Variants in NEK8 observed in about 807,000 individuals in gnomAD.
NEK8 encodes NIMA related kinase 8, also known as serine/threonine-protein kinase Nek8.
In NEK8, 51 loss-of-function variants were observed where a neutral mutation model predicts 77.2. The ratio of observed to expected loss-of-function variants is 0.66; its 90% CI spans 0.53 to 0.83. NEK8 has a LOEUF of 0.83. NEK8 is among the 40% of genes least tolerant of loss of function. NEK8 has a pLI of 0.00. For synonymous variants in NEK8, 365 were observed against 363.2 expected, an observed-to-expected ratio of 1.00 and a Z score of -0.06; for missense variants, 787 against 909.2, an observed-to-expected ratio of 0.87 and a Z score of 1.73.
rs1332249764 is a variant in NEK8 at position 28,740,314 on chromosome 17, G to A, written c.1418-149G>A. 4.4e-6 allele frequency: 3 copies of A among 682,700 alleles called. No individual in the cohort carries two copies. The highest frequency in any genetic ancestry group is 7.9e-6 in the Non-Finnish European group (3 of 382,152). 42.3% of individuals were successfully genotyped at this position (682,700 alleles called of 1,614,324 possible). On this transcript the variant is annotated intron_variant, in intron 10 of 14. Coordinates refer to ENST00000268766, the MANE Select transcript of NEK8 (RefSeq NM_178170.3). The surrounding 1 kb of genome is among the most constrained non-coding windows in gnomAD (Gnocchi z 4.7). ...ATAAAAATAAAAAATAAAGAAGGAGGATTTTAACCAGCAGAGGGGCCTAGG... is the reference window on the plus strand; with the variant it reads ...ATAAAAATAAAAAATAAAGAAGGAGAATTTTAACCAGCAGAGGGGCCTAGG...
chr17:28,741,893 G>A lies in NEK8; in HGVS notation c.2051-66G>A. On this transcript the variant is annotated intron_variant, in intron 14 of 14. Coordinates refer to ENST00000268766, the MANE Select transcript of NEK8 (RefSeq NM_178170.3). This position sits in a 1 kb window ranked among gnomAD's most constrained non-coding sequence, Gnocchi z 4.5. ...ATCCAGGGCCCAGTGGGAGTGGGAGGTGGGTGATGATTTCTGGAGGCACTG... is the reference window on the plus strand; with the variant it reads ...ATCCAGGGCCCAGTGGGAGTGGGAGATGGGTGATGATTTCTGGAGGCACTG... 2 of 1,539,908 alleles carry A rather than the reference G, an allele frequency of 1.3e-6. No individual in the cohort carries two copies. Among genetic ancestry groups the A allele is most frequent in the African/African-American group, 1.4e-5 (1 of 73,498 alleles).
rs1171524813 is a variant in NEK8 at position 28,738,016 on chromosome 17, G to T, written c.1071+16G>T. 6.2e-7 allele frequency: 1 copy of T among 1,612,692 alleles called. No homozygotes were observed. The highest frequency in any genetic ancestry group is 1.1e-5 in the South Asian group (1 of 91,050). On this transcript the variant is annotated intron_variant, in intron 7 of 14. Coordinates refer to ENST00000268766, the MANE Select transcript of NEK8 (RefSeq NM_178170.3). ...CCTGTGGGAGGTGAGCAGGCCAGGG[G>T]GTGGCCTGGATGGGTGGAGGTGGAG...
Position 28,740,571 on chromosome 17 carries a change from T to G in NEK8, c.1526T>G (p.Ile509Ser). The G allele has an allele frequency of 1.2e-6, 2 of 1,614,150 alleles. No individual in the cohort carries two copies. The highest frequency in any genetic ancestry group is 1.7e-6 in the Non-Finnish European group (2 of 1,180,008). Residue 509 changes from isoleucine to serine, a missense_variant, in exon 11 of 15, where the codon ATC becomes AGC. Physicochemically the swap from Ile to Ser is moderately radical, Grantham distance 142 (BLOSUM62 -2). Transcript: ENST00000268766. This position sits in a 1 kb window ranked among gnomAD's most constrained non-coding sequence, Gnocchi z 4.7. Reference sequence around the variant, plus strand: ...GTATGTGGTATCGATTCCTCCATGATCCTCACTGTGCCTGGCCAAGCCCTA... The same window carrying G: ...GTATGTGGTATCGATTCCTCCATGAGCCTCACTGTGCCTGGCCAAGCCCTA... ...RVVCGIDSSMILTVPGQALAC... is the reference protein window; with the variant it reads ...RVVCGIDSSMSLTVPGQALAC...
chr17:28,740,906 A>C lies in NEK8; in HGVS notation c.1653A>C (p.Thr551=), dbSNP rs758294520. The change falls in exon 12 of 15, where the codon ACA becomes ACC. Residue 551 remains threonine (T), a synonymous_variant. Transcript: ENST00000268766. The surrounding 1 kb of genome is among the most constrained non-coding windows in gnomAD (Gnocchi z 4.7). Reference sequence around the variant, plus strand: ...AAGTGGAGGAGGCCCTGAGCTTCACACTACTAGGCTCTGCACCCCTGGACC... The same window carrying C: ...AAGTGGAGGAGGCCCTGAGCTTCACCCTACTAGGCTCTGCACCCCTGGACC... ...HQQVEEALSF[T]LLGSAPLDQE... 2 of 1,613,940 alleles carry C rather than the reference A, an allele frequency of 1.2e-6. No individual in the cohort carries two copies. Among genetic ancestry groups the C allele is most frequent in the Admixed American group, 3.3e-5 (2 of 60,000 alleles).
chr17:28,730,077 G>A (rs2034291902), intron 1 of NEK8, among the ~76,000 whole-genome samples: 1 of 152,122 alleles, frequency 6.6e-6, no homozygotes, highest in Non-Finnish European at 1.5e-5. Flanking sequence ...GATAACCTGA[G>A]ATAAAAGGTT....
In NEK8 at chr17:28,737,662, AT is replaced by A. The variant is rs1197194197; in HGVS notation, c.828-12del. ...GGAGGGTCTTTGTCCTTAGGCCCCC[AT>A]CTGTCCTGCAGGGCAGAGAAGTCCG... On this transcript the variant is annotated splice_polypyrimidine_tract_variant and intron_variant, in intron 5 of 14. Transcript: ENST00000268766. The surrounding 1 kb of genome is among the most constrained non-coding windows in gnomAD (Gnocchi z 4.8). 1 of 1,614,138 alleles carries A rather than the reference AT, an allele frequency of 6.2e-7. No individual in the cohort carries two copies. The highest frequency in any genetic ancestry group is 1.7e-5 in the Admixed American group (1 of 60,020).
At chr17:28,734,288 C>T in intron 2 of NEK8, 100 bp downstream of exon 2, 1 of 1,082,326 alleles carries the variant, frequency 9.2e-7, no homozygotes. Flanking sequence ...TGGGCATGGC[C>T]AAGGGTTAGA....
intron 1 of NEK8, among the ~76,000 whole-genome samples, chr17:28,732,545 C>CTTTTTTTTTTTTTTTTTTT (rs1054257308): frequency 1.9e-4 from 15 of 77,912 alleles, no homozygotes; most frequent in South Asian, 4.9e-4. Flanking sequence ...TTTTTCTTTT[C>CTTTTTTTTTTTTTTTTTTT]TTTTTTTTTT....
Position 28,738,568 on chromosome 17 carries a change from T to A in NEK8, c.1223-103T>A, listed in dbSNP as rs2034390116. On this transcript the variant is annotated intron_variant, in intron 8 of 14. Coordinates refer to ENST00000268766, the MANE Select transcript of NEK8 (RefSeq NM_178170.3). ...TCCTATCCCATCCTTCCAGCCCTGG[T>A]CCCCAACTTTATTTTGCTGCTGCAA... 8 of 1,000,662 alleles carry A rather than the reference T, an allele frequency of 8.0e-6. No individual in the cohort carries two copies. The South Asian group carries it at 1.1e-4, about 13-fold the overall frequency. 62.0% of individuals were successfully genotyped at this position (1,000,662 alleles called of 1,614,324 possible). A position where few individuals can be genotyped will look rare whatever the true frequency, so the allele number is the denominator to read the frequency against.
Position 28,741,456 on chromosome 17 carries a change from G to T in NEK8, c.1935G>T (p.Leu645Phe), listed in dbSNP as rs767048910. Residue 645 changes from leucine (L) to phenylalanine (F), a missense_variant, in exon 14 of 15, where the codon TTG (leucine) becomes TTT (phenylalanine). By Grantham distance (22) the Leu-to-Phe change is conservative. Coordinates refer to ENST00000268766, the MANE Select transcript of NEK8 (RefSeq NM_178170.3). This position sits in a 1 kb window ranked among gnomAD's most constrained non-coding sequence, Gnocchi z 4.5. ...GGGGCAAAGGGGCGCGAGGTCGATT[G>T]GGAAGGAGGGATGAGGATGCCGGAC... ...YSWGKGARGRLGRRDEDAGLP... is the reference protein window; with the variant it reads ...YSWGKGARGRFGRRDEDAGLP... The T allele has an allele frequency of 2.5e-6, 4 of 1,614,062 alleles. No individual in the cohort carries two copies. The highest frequency in any genetic ancestry group is 3.4e-6 in the Non-Finnish European group (4 of 1,180,046).
At chr17:28,732,486 A>G (rs1298060484) in intron 1 of NEK8, among the ~76,000 whole-genome samples, 1 of 151,426 alleles carries the variant, frequency 6.6e-6, no homozygotes, top group Non-Finnish European at 1.5e-5. Flanking sequence ...AGAGGTAGAA[A>G]TAGGATTTGC....
At chr17:28,729,879 G>C (rs2034290304) in intron 1 of NEK8, among the ~76,000 whole-genome samples, 1 of 152,172 alleles carries the variant, frequency 6.6e-6, no homozygotes, top group South Asian at 2.1e-4. Context: ...CTTGAGGAAT[G>C]AGGACCAGTA....
chr17:28,730,321 C>T (rs970731203), intron 1 of NEK8, among the ~76,000 whole-genome samples: 3 of 131,554 alleles, frequency 2.3e-5, no homozygotes, highest in African/African-American at 9.1e-5. Flanking sequence ...ACAGAGTCTC[C>T]TCTGTTGCCC....
intron 4 of NEK8, among the ~76,000 whole-genome samples, chr17:28,736,103 A>G (rs1379164264): frequency 6.6e-6 from 1 of 152,016 alleles, no homozygotes; most frequent in East Asian, 1.9e-4. Flanking sequence ...AAGGACATGA[A>G]CTCATCATTT....
chr17:28,734,777 A>C lies in NEK8; in HGVS notation c.259A>C (p.Thr87Pro). Residue 87 changes from threonine (T) to proline (P), a missense_variant, in exon 3 of 15, where the codon ACT (threonine) becomes CCT (proline). Thr to Pro is a conservative substitution (Grantham distance 38). Coordinates refer to ENST00000268766, the MANE Select transcript of NEK8 (RefSeq NM_178170.3). The part of the protein sequence containing the change: ...MIAMEYAPGG[T>P]LAEFIQKRCN... ...ATTAGTCCCTTGGGCCACAGGCGGC[A>C]CTCTGGCTGAGTTCATCCAAAAGCG... is the stretch of plus-strand genomic sequence containing the variant. The C allele has an allele frequency of 6.2e-7, 1 of 1,612,264 alleles. No individual in the cohort carries two copies. The highest frequency in any genetic ancestry group is 8.5e-7 in the Non-Finnish European group (1 of 1,178,954).
intron 4 of NEK8, among the ~76,000 whole-genome samples, chr17:28,736,830 C>CA (rs1440636724): frequency 6.6e-6 from 1 of 152,172 alleles, no homozygotes; most frequent in East Asian, 1.9e-4. Context: ...GTGTTTTAGA[C>CA]ATGAAGTCCT....
Position 28,740,495 on chromosome 17 carries a change from A to G in NEK8, c.1450A>G (p.Ser484Gly). 6.2e-7 allele frequency: 1 copy of G among 1,614,132 alleles called. No individual in the cohort carries two copies. The highest frequency in any genetic ancestry group is 1.1e-5 in the South Asian group (1 of 91,080). ...RLGLGTRESHSCPQQVPMPPG... is the reference protein window; with the variant it reads ...RLGLGTRESHGCPQQVPMPPG... ...GGGGCTAGGCACCAGGGAGTCCCAC[A>G]GCTGCCCCCAGCAGGTGCCCATGCC... Residue 484 changes from serine (S) to glycine (G), a missense_variant, in exon 11 of 15, where the codon AGC (serine) becomes GGC (glycine). Physicochemically the swap from Ser to Gly is moderately conservative, Grantham distance 56. Coordinates refer to ENST00000268766, the MANE Select transcript of NEK8 (RefSeq NM_178170.3). The surrounding 1 kb of genome is among the most constrained non-coding windows in gnomAD (Gnocchi z 4.7).
rs909308407 is a variant in NEK8, at chr17:28,734,112, C to T, written c.177C>T (p.Asn59=). Residue 59 remains asparagine, a synonymous_variant, in exon 2 of 15, where the codon AAC becomes AAT. Coordinates refer to ENST00000268766, the MANE Select transcript of NEK8 (RefSeq NM_178170.3). Reference sequence around the variant, plus strand: ...AGTGCCAGGTCCTCAAGCTGCTCAACCACCCCAATGTCATTGAGTACTACG... The same window carrying T: ...AGTGCCAGGTCCTCAAGCTGCTCAATCACCCCAATGTCATTGAGTACTACG... The part of the protein sequence containing the change: ...QNECQVLKLL[N]HPNVIEYYEN... 1.9e-6 allele frequency: 3 copies of T among 1,613,964 alleles called. No individual in the cohort carries two copies. The highest frequency in any genetic ancestry group is 2.5e-6 in the Non-Finnish European group (3 of 1,179,996).
intron 1 of NEK8, among the ~76,000 whole-genome samples, chr17:28,729,781 G>C (rs2151730213): frequency 6.6e-6 from 1 of 152,216 alleles, no homozygotes. Flanking sequence ...CCTGACCTCA[G>C]GTGATCCGCC....
Sources: allele counts gnomAD v4.1 joint callset (sites outside exome capture counted in the v4.1 genomes callset), GRCh38; gene constraint gnomAD v4.1.1; non-coding constraint Gnocchi (gnomAD v3.1); transcripts MANE v1.5; gene names NCBI Gene and HGNC (gene_info 2026-07-23, HGNC 2026-07-21).